CCZ1: variants seen among roughly 807,000 people sequenced by gnomAD.
CCZ1 encodes CCZ1 vacuolar protein trafficking and biogenesis associated.
In CCZ1, 19 loss-of-function variants were observed where a neutral mutation model predicts 57.8. The ratio of observed to expected loss-of-function variants is 0.33; its 90% CI spans 0.23 to 0.48. The LOEUF is 0.48. Ranked by LOEUF, CCZ1 falls within the 20% of genes least tolerant of loss-of-function variation. The pLI, the probability that CCZ1 is intolerant of heterozygous loss-of-function variation, is 0.99. For missense variants in CCZ1, 200 were observed against 492.0 expected (o/e 0.41, Z 5.61); for synonymous variants, 81 against 167.0 (o/e 0.49, Z 3.97).
In CCZ1 at chr7:5,911,166, C is replaced by T. The variant is rs200318342; in HGVS notation, c.781-695C>T. Among the ~76,000 whole-genome samples, 86 of 149,290 alleles carry T rather than the reference C, an allele frequency of 5.8e-4. 2 individuals carry two copies. Among genetic ancestry groups the T allele is most frequent in the Non-Finnish European group, 1.0e-3 (68 of 67,776 alleles). ...TTCAGTAGATGTTTTAGTGCCTACC[C>T]GGCTTTCCACTCTAGTACTTAATTT... On this transcript the variant is annotated intron_variant, in intron 8 of 14. Transcript: ENST00000325974.
At chr7:5,925,435 C>G (rs201939985) in intron 14 of CCZ1, 197 bp from the exon 15 acceptor site, 164,418 of 470,550 alleles carry the variant, frequency 0.35, 6,321 homozygotes, top group Admixed American at 0.41. Flanking sequence ...CCACTACACT[C>G]CAGCCTGGGT....
At chr7:5,906,638 A>T (rs1006110558) in intron 7 of CCZ1, among the ~76,000 whole-genome samples, 7 of 149,058 alleles carry the variant, frequency 4.7e-5, no homozygotes, top group Non-Finnish European at 7.4e-5. Context: ...CAGTTTCTTA[A>T]TTAGGGGTGT....
At chr7:5,916,514 T>TG (rs1779150860) in intron 10 of CCZ1, among the ~76,000 whole-genome samples, 2 of 128,142 alleles carry the variant, frequency 1.6e-5, no homozygotes, top group Non-Finnish European at 3.4e-5. Context: ...TGTTTTTTTT[T>TG]TTTTTGGTTT....
At chr7:5,902,017 G>T in intron 5 of CCZ1, 1 of 308,666 alleles carries the variant, frequency 3.2e-6, no homozygotes, top group Non-Finnish European at 5.9e-6. Flanking sequence ...AGTGAGGCAG[G>T]GCACAGTGGA....
chr7:5,906,896 C>T (rs1049855702), intron 7 of CCZ1, among the ~76,000 whole-genome samples: 1 of 150,088 alleles, frequency 6.7e-6, no homozygotes, highest in Admixed American at 6.6e-5. Flanking sequence ...GAGATGGAGT[C>T]GCTTTCTGTT....
At chr7:5,912,805 C>T (rs1248167581) in intron 9 of CCZ1, 38 bp from the exon 10 acceptor site, 3 of 915,076 alleles carry the variant, frequency 3.3e-6, no homozygotes, top group Non-Finnish European at 5.4e-6. Flanking sequence ...TTCTCCTTCA[C>T]CTCGTTGAAT....
chr7:5,907,034 A>AT (rs1455088613), intron 7 of CCZ1, among the ~76,000 whole-genome samples: 1 of 148,068 alleles, frequency 6.8e-6, no homozygotes, highest in African/African-American at 2.5e-5. Flanking sequence ...CACCCAGCTA[A>AT]TTTTTTTGTA....
chr7:5,912,167 AG>A (rs1006219133), intron 9 of CCZ1, among the ~76,000 whole-genome samples: 12 of 145,532 alleles, frequency 8.2e-5, no homozygotes, highest in African/African-American at 3.1e-4. Flanking sequence ...CATGTTGGCC[AG>A]GCTGGTCTTG....
rs1781686702 is a variant in CCZ1, at chr7:5,901,569, G to A, written c.391-88G>A. On this transcript the variant is annotated intron_variant, in intron 4 of 14. Coordinates refer to ENST00000325974, the MANE Select transcript of CCZ1 (RefSeq NM_015622.6). ...AAGTTTATAAACATTATACTGTTTG[G>A]CCAAGAGTTAGTGTACCTTTGCCAT... 5 of 1,509,356 alleles carry A rather than the reference G, an allele frequency of 3.3e-6. No individual in the cohort carries two copies. The Admixed American group carries it at 6.2e-5, about 19-fold the overall frequency. 93.5% of individuals were successfully genotyped at this position (1,509,356 alleles called of 1,614,324 possible).
intron 1 of CCZ1, among the ~76,000 whole-genome samples, chr7:5,899,978 T>C (rs1422603325): frequency 1.4e-5 from 2 of 144,522 alleles, no homozygotes; most frequent in Non-Finnish European, 1.5e-5. Flanking sequence ...CTATCGAAAT[T>C]GCCTTTCTGA....
intron 10 of CCZ1, among the ~76,000 whole-genome samples, chr7:5,913,273 G>A (rs1300173674): frequency 5.4e-4 from 69 of 128,952 alleles, no homozygotes; most frequent in African/African-American, 1.9e-3. Context: ...GATGGGGGCC[G>A]TAGCCACGTG....
At chr7:5,916,613 C>T (rs1486126626) in intron 10 of CCZ1, among the ~76,000 whole-genome samples, 1 of 146,110 alleles carries the variant, frequency 6.8e-6, no homozygotes, top group African/African-American at 2.7e-5. Context: ...GTGAGTGTTT[C>T]CCCATCGAGG....
At chr7:5,923,047 G>A (rs1487242038) in intron 12 of CCZ1, among the ~76,000 whole-genome samples, 1,947 of 134,200 alleles carry the variant, frequency 0.015, 27 homozygotes, top group South Asian at 0.047. Flanking sequence ...GGCCGGGCGC[G>A]GGGGCTCACG....
intron 6 of CCZ1, among the ~76,000 whole-genome samples, chr7:5,904,101 T>TTC (rs1325332023): frequency 1.5e-5 from 2 of 130,438 alleles, no homozygotes; most frequent in African/African-American, 6.1e-5. Context: ...TTTTTTTTTT[T>TTC]TTTTTTTTGA....
intron 8 of CCZ1, among the ~76,000 whole-genome samples, chr7:5,911,340 GTTTT>G (rs1055468074): frequency 6.8e-6 from 1 of 148,114 alleles, no homozygotes; most frequent in Non-Finnish European, 1.5e-5. Flanking sequence ...TGCTTTCCAA[GTTTT>G]TTTTTAAGAG....
chr7:5,912,691 C>T (rs181978622), intron 9 of CCZ1, 152 bp from the exon 10 acceptor site: 87 of 838,828 alleles, frequency 1.0e-4, no homozygotes, highest in Non-Finnish European at 1.6e-4. Context: ...TGAGCCACCA[C>T]GCCCAGCCAG....
chr7:5,902,435 G>A (rs545741659), intron 5 of CCZ1: 7 of 714,072 alleles, frequency 9.8e-6, no homozygotes, highest in East Asian at 6.3e-5. Flanking sequence ...TTTGAAAGAT[G>A]CCTAGAGCAA....
chr7:5,904,018 C>A (rs1781745502), intron 6 of CCZ1, among the ~76,000 whole-genome samples: 1 of 140,418 alleles, frequency 7.1e-6, no homozygotes, highest in Non-Finnish European at 1.5e-5. Context: ...AGATGGCACT[C>A]TCTGTAGTAT....
intron 12 of CCZ1, among the ~76,000 whole-genome samples, chr7:5,922,940 C>T (rs1779273052): frequency 6.7e-6 from 1 of 150,138 alleles, no homozygotes; most frequent in African/African-American, 2.5e-5. Flanking sequence ...GTTAAAACTA[C>T]TCAACTGTCA....
Sources: allele counts gnomAD v4.1 joint callset (sites outside exome capture counted in the v4.1 genomes callset), GRCh38; gene constraint gnomAD v4.1.1; transcripts MANE v1.5; gene names NCBI Gene and HGNC (gene_info 2026-07-23, HGNC 2026-07-21).